The following SCARA5 variants were observed in gnomAD, a reference collection of about 807,000 sequenced individuals.
SCARA5 encodes scavenger receptor class A, member 5 (putative).
In SCARA5, 45 loss-of-function variants were observed where a neutral mutation model predicts 46.3. The ratio of observed to expected loss-of-function variants is 0.97; its 90% CI spans 0.76 to 1.24. The LOEUF is 1.24. SCARA5 is among the 50% of genes most tolerant of loss of function. The pLI is 0.00. For synonymous variants in SCARA5, 333 were observed against 306.5 expected, an observed-to-expected ratio of 1.09 and a Z score of -0.90; for missense variants, 680 against 689.0, an observed-to-expected ratio of 0.99 and a Z score of 0.15.
At chr8:27,925,698 T>C (rs1807669279) in intron 3 of SCARA5, among the ~76,000 whole-genome samples, 1 of 152,162 alleles carries the variant, frequency 6.6e-6, no homozygotes, top group African/African-American at 2.4e-5. Context: ...AATCTACTCA[T>C]CTGACAAAGG....
At position 27,871,992 on chromosome 8, in the gene SCARA5, C is replaced by A; in HGVS notation, c.1430G>T (p.Trp477Leu). ...GGCATGTCCACAGTTTGTCACCCCC[C>A]ATTTGGAGAAGCTGCAGCGGAAGAT... ...ETIFRCSFSK[W>L]GVTNCGHAED... is the part of the protein sequence containing the mutation. The change falls in exon 9 of 9, where the codon TGG becomes TTG. Residue 477 changes from tryptophan (W) to leucine (L), a missense_variant. Trp to Leu is a moderately conservative substitution (Grantham distance 61). Coordinates refer to ENST00000354914, the MANE Select transcript of SCARA5 (RefSeq NM_173833.6). The A allele has an allele frequency of 6.2e-7, 1 of 1,614,252 alleles. No individual in the cohort carries two copies.
chr8:27,918,377 G>T (rs1055055726), intron 4 of SCARA5, among the ~76,000 whole-genome samples: 18 of 152,108 alleles, frequency 1.2e-4, no homozygotes, highest in African/African-American at 3.6e-4. Flanking sequence ...AAACTGGAAA[G>T]GATGCAGAGG....
chr8:27,985,333 C>T (rs1808690129), intron 2 of SCARA5, among the ~76,000 whole-genome samples: 2 of 152,072 alleles, frequency 1.3e-5, no homozygotes, highest in South Asian at 4.2e-4. Flanking sequence ...AGGGAAGCAC[C>T]CTTCTAAGGG....
chr8:27,990,977 C>T (rs1318171383), intron 1 of SCARA5, among the ~76,000 whole-genome samples: 1 of 152,248 alleles, frequency 6.6e-6, no homozygotes, highest in African/African-American at 2.4e-5. Context: ...CAGGGATCTG[C>T]TTCTAGATTC....
At chr8:27,919,947 C>T (rs888671590) in intron 4 of SCARA5, among the ~76,000 whole-genome samples, 4 of 150,134 alleles carry the variant, frequency 2.7e-5, no homozygotes, top group East Asian at 1.9e-4. Context: ...GAATTTCTAA[C>T]GAATCCAGTG....
chr8:27,883,409 T>C (rs1285739650), intron 7 of SCARA5, among the ~76,000 whole-genome samples: 1 of 152,184 alleles, frequency 6.6e-6, no homozygotes, highest in East Asian at 1.9e-4. Context: ...CCCGCCCCAC[T>C]ACTCTTGGGG....
At chr8:27,988,119 G>C (rs1250544409) in intron 1 of SCARA5, among the ~76,000 whole-genome samples, 1 of 152,236 alleles carries the variant, frequency 6.6e-6, no homozygotes. Flanking sequence ...AGGGGGTACA[G>C]AGTCCACTTG....
At chr8:27,977,986 G>C (rs568280158) in intron 2 of SCARA5, among the ~76,000 whole-genome samples, 3 of 150,930 alleles carry the variant, frequency 2.0e-5, no homozygotes, top group Admixed American at 6.6e-5. Flanking sequence ...ATTCACTAAA[G>C]TGCACTAGTG....
chr8:27,931,719 G>A (rs927612910), intron 3 of SCARA5, among the ~76,000 whole-genome samples: 8 of 151,372 alleles, frequency 5.3e-5, no homozygotes, highest in African/African-American at 1.7e-4. Flanking sequence ...GCAGTGCAGG[G>A]GTGCGATCTC....
intron 4 of SCARA5, among the ~76,000 whole-genome samples, chr8:27,915,267 G>A (rs1480773251): frequency 6.6e-6 from 1 of 152,126 alleles, no homozygotes; most frequent in Non-Finnish European, 1.5e-5. Context: ...TTTCACAGCC[G>A]AGGAGACTCA....
At position 27,872,043 on chromosome 8, in the gene SCARA5, A is replaced by G; in HGVS notation, c.1379T>C (p.Val460Ala). ...GGTTTCCTCTGTGCCCTTGCAGGCA[A>G]CGTCATCCATCCAGATCCTCCCAGT... is the stretch of plus-strand genomic sequence containing the variant. ...QGTGRIWMDDVACKGTEETIF... is the reference protein window; with the variant it reads ...QGTGRIWMDDAACKGTEETIF... The change falls in exon 9 of 9, where the codon GTT (valine) becomes GCT (alanine). Residue 460 changes from valine to alanine, a missense_variant. Val to Ala is a moderately conservative substitution (Grantham distance 64). Around this residue, in one of 3 missense-constraint regions of SCARA5, gnomAD observed 219 missense variants for 269.5 expected, o/e 0.81. Transcript: ENST00000354914. The G allele has an allele frequency of 6.2e-7, 1 of 1,614,234 alleles. No individual in the cohort carries two copies. The highest frequency in any genetic ancestry group is 1.3e-5 in the African/African-American group (1 of 75,064).
At chr8:27,888,958 G>C (rs1186351678) in intron 7 of SCARA5, among the ~76,000 whole-genome samples, 1 of 152,136 alleles carries the variant, frequency 6.6e-6, no homozygotes, top group Non-Finnish European at 1.5e-5. Context: ...TTTCTGGAGT[G>C]TCAATTCCAG....
rs1022553141 is a variant in SCARA5, at chr8:27,886,834, C to T, written c.1154-7068G>A. On this transcript the variant is annotated intron_variant, in intron 7 of 8. Coordinates refer to ENST00000354914, the MANE Select transcript of SCARA5 (RefSeq NM_173833.6). ...CTCTTGCCCCACAATGTGTCAGCCC[C>T]GACTTAATCAGAAGTGGTGACTGAG... Among the ~76,000 whole-genome samples the T allele has an allele frequency of 4.6e-5, 7 of 152,310 alleles. No individual in the cohort carries two copies. In the South Asian group the frequency reaches 6.2e-4, roughly 14 times the overall value.
intron 8 of SCARA5, among the ~76,000 whole-genome samples, chr8:27,876,701 TG>T (rs1806729880): frequency 6.6e-6 from 1 of 152,000 alleles, no homozygotes; most frequent in South Asian, 2.1e-4. Context: ...AGGGAAGAGC[TG>T]GGGGTGACTG....
chr8:27,894,690 C>A (rs1807034465), intron 7 of SCARA5, among the ~76,000 whole-genome samples: 1 of 152,190 alleles, frequency 6.6e-6, no homozygotes. Flanking sequence ...GGGAAGGCTT[C>A]CCTGATTGTG....
chr8:27,921,270 A>G (rs1346932845), intron 4 of SCARA5, among the ~76,000 whole-genome samples: 2 of 152,234 alleles, frequency 1.3e-5, no homozygotes, highest in African/African-American at 4.8e-5. Flanking sequence ...CCAGGCTCCC[A>G]TTAGCCACAA....
rs149124800 is a variant in SCARA5 at position 27,871,359 on chromosome 8, A to C, written c.*575T>G. 1.8e-3 allele frequency: 1,572 copies of C among 860,418 alleles called. 20 individuals carry two copies. The African/African-American group carries it at 0.027, about 15-fold the overall frequency. 53.3% of individuals were successfully genotyped at this position (860,418 alleles called of 1,614,324 possible). ...AGCTGGATTCCTGCAGGTGACTTGC[A>C]TTTCCCTCTTGCCCCTACAGCTGGC... On this transcript the variant is annotated 3_prime_UTR_variant, in exon 9 of 9. Coordinates refer to ENST00000354914, the MANE Select transcript of SCARA5 (RefSeq NM_173833.6).
intron 8 of SCARA5, among the ~76,000 whole-genome samples, chr8:27,873,245 G>A (rs1328861666): frequency 6.6e-6 from 1 of 152,064 alleles, no homozygotes; most frequent in African/African-American, 2.4e-5. Context: ...AAGCAGCCCT[G>A]AGAAACATCA....
intron 3 of SCARA5, among the ~76,000 whole-genome samples, chr8:27,938,953 G>T (rs1186894042): frequency 1.3e-5 from 2 of 152,136 alleles, no homozygotes; most frequent in African/African-American, 2.4e-5. Context: ...AATACTTCTT[G>T]CAGAGATATT....
Sources: allele counts gnomAD v4.1 joint callset (sites outside exome capture counted in the v4.1 genomes callset), GRCh38; gene constraint gnomAD v4.1.1; regional missense constraint gnomAD v4.1.1; transcripts MANE v1.5; gene names NCBI Gene and HGNC (gene_info 2026-07-23, HGNC 2026-07-21).